Variants in ULK4 observed in about 807,000 individuals in gnomAD.
ULK4 encodes unc-51 like kinase 4.
A neutral mutation model predicts 160.6 loss-of-function variants in ULK4; 133 were observed. The observed-to-expected ratio is 0.83, with a 90% CI of 0.72 to 0.96. The LOEUF is 0.96. Among genes scored for constraint, ULK4 ranks in the 40% least tolerant of loss-of-function variants. The pLI, the probability that ULK4 is intolerant of heterozygous loss-of-function variation, is 0.00. For synonymous variants in ULK4, 534 were observed against 539.8 expected (o/e 0.99, Z 0.15); for missense variants, 1,580 against 1,499.5 (o/e 1.05, Z -0.89).
At chr3:41,616,412 C>G (rs2032966463) in intron 30 of ULK4, among the ~76,000 whole-genome samples, 1 of 152,158 alleles carries the variant, frequency 6.6e-6, no homozygotes, top group African/African-American at 2.4e-5. Flanking sequence ...ACACAGAAGG[C>G]AGGTATTTCT....
intron 17 of ULK4, among the ~76,000 whole-genome samples, chr3:41,856,207 T>C (rs2042332781): frequency 6.6e-6 from 1 of 152,038 alleles, no homozygotes; most frequent in South Asian, 2.1e-4. Context: ...TATTCAACTC[T>C]TGCTTTATCA....
intron 35 of ULK4, among the ~76,000 whole-genome samples, chr3:41,267,176 C>T (rs1336211245): frequency 1.3e-5 from 2 of 151,992 alleles, no homozygotes; most frequent in Non-Finnish European, 2.9e-5. Flanking sequence ...CCCGCATCCC[C>T]CAACAGGCCC....
At chr3:41,528,202 C>T (rs1017306710) in intron 32 of ULK4, among the ~76,000 whole-genome samples, 1 of 152,150 alleles carries the variant, frequency 6.6e-6, no homozygotes, top group African/African-American at 2.4e-5. Context: ...CTGGCCATCA[C>T]CTCTAGGTAG....
At chr3:41,782,808 A>G (rs990968776) in intron 21 of ULK4, among the ~76,000 whole-genome samples, 6 of 152,228 alleles carry the variant, frequency 3.9e-5, no homozygotes, top group South Asian at 2.1e-4. Context: ...GGATTTAGCC[A>G]TAAGAATGTT....
intron 22 of ULK4, among the ~76,000 whole-genome samples, chr3:41,734,639 G>T (rs1003177182): frequency 6.6e-6 from 1 of 152,156 alleles, no homozygotes; most frequent in Non-Finnish European, 1.5e-5. Flanking sequence ...AAGAGACTGA[G>T]GTGGGAAGAA....
chr3:41,651,124 C>T (rs189236787), intron 30 of ULK4, among the ~76,000 whole-genome samples: 1 of 152,268 alleles, frequency 6.6e-6, no homozygotes, highest in Admixed American at 6.5e-5. Flanking sequence ...AAGGAAGTTA[C>T]ACCTTCTGAT....
chr3:41,911,606 T>G lies in ULK4; in HGVS notation c.950A>C (p.Asn317Thr). The G allele has an allele frequency of 6.2e-7, 1 of 1,613,986 alleles. No homozygotes were observed. Among genetic ancestry groups the G allele is most frequent in the Non-Finnish European group, 8.5e-7 (1 of 1,180,014 alleles). The change falls in exon 10 of 37, where the codon AAC becomes ACC. Residue 317 changes from asparagine (N) to threonine (T), a missense_variant. Physicochemically the swap from Asn to Thr is moderately conservative, Grantham distance 65. Transcript: ENST00000301831. ...GPQDSKELLQ[N>T]SQSRQAKGHK... ...CCCTTTTGCTTGTCTACTCTGAGAG[T>G]TCTGCAAAAGCTCCTTGGAATCTTG...
At chr3:41,358,595 G>T (rs1321550478) in intron 35 of ULK4, among the ~76,000 whole-genome samples, 2 of 152,156 alleles carry the variant, frequency 1.3e-5, no homozygotes, top group African/African-American at 4.8e-5. Flanking sequence ...AAAGAGGGCA[G>T]AGCACATAAA....
At chr3:41,820,762 AC>A (rs1186503122) in intron 18 of ULK4, among the ~76,000 whole-genome samples, 1 of 152,186 alleles carries the variant, frequency 6.6e-6, no homozygotes, top group Non-Finnish European at 1.5e-5. Context: ...CTACACATGT[AC>A]ACCCTGAATC....
intron 32 of ULK4, among the ~76,000 whole-genome samples, chr3:41,513,624 T>A (rs1026028819): frequency 4.6e-5 from 7 of 151,934 alleles, no homozygotes; most frequent in Admixed American, 1.3e-4. Context: ...AGAGCAAGAG[T>A]CCATCAACAA....
At chr3:41,384,924 G>T (rs987262856) in intron 35 of ULK4, among the ~76,000 whole-genome samples, 19 of 152,182 alleles carry the variant, frequency 1.2e-4, no homozygotes, top group African/African-American at 4.1e-4. Context: ...GCATGCTGGT[G>T]CATGCCTGTA....
intron 27 of ULK4, among the ~76,000 whole-genome samples, chr3:41,689,116 C>T (rs1175965224): frequency 6.6e-6 from 1 of 152,176 alleles, no homozygotes; most frequent in Non-Finnish European, 1.5e-5. Context: ...AAATAGCCTC[C>T]AATCAGGGCA....
intron 30 of ULK4, among the ~76,000 whole-genome samples, chr3:41,631,044 T>G (rs1403394785): frequency 6.6e-6 from 1 of 152,178 alleles, no homozygotes; most frequent in Non-Finnish European, 1.5e-5. Flanking sequence ...TGAATCAGCT[T>G]CAAAAAGAAA....
chr3:41,926,070 A>G (rs1699375013), intron 5 of ULK4, among the ~76,000 whole-genome samples: 1 of 152,140 alleles, frequency 6.6e-6, no homozygotes, highest in Non-Finnish European at 1.5e-5. Context: ...ACTTCCCAGT[A>G]GGGGCCAGCA....
chr3:41,311,858 C>T (rs1448413295), intron 35 of ULK4, among the ~76,000 whole-genome samples: 3 of 143,644 alleles, frequency 2.1e-5, no homozygotes, highest in Admixed American at 1.4e-4. Flanking sequence ...TGAACCACTG[C>T]ACCCGGCCAA....
intron 19 of ULK4, among the ~76,000 whole-genome samples, chr3:41,815,169 A>T (rs57715826): frequency 1.3e-5 from 2 of 152,150 alleles, no homozygotes; most frequent in African/African-American, 4.8e-5. Context: ...GGCCTCCCAA[A>T]GTGCTGGGAT....
chr3:41,850,091 T>C (rs981527067), intron 17 of ULK4, among the ~76,000 whole-genome samples: 1 of 152,188 alleles, frequency 6.6e-6, no homozygotes, highest in African/African-American at 2.4e-5. Context: ...CATAATTTGC[T>C]GAGAATGATG....
intron 17 of ULK4, among the ~76,000 whole-genome samples, chr3:41,869,332 T>C (rs1697010148): frequency 6.6e-6 from 1 of 152,170 alleles, no homozygotes; most frequent in Non-Finnish European, 1.5e-5. Flanking sequence ...CCCGGCACTT[T>C]GGGAAGCTAA....
At chr3:41,424,245 G>T (rs1382119222) in intron 34 of ULK4, among the ~76,000 whole-genome samples, 1 of 152,136 alleles carries the variant, frequency 6.6e-6, no homozygotes, top group Non-Finnish European at 1.5e-5. Flanking sequence ...CTCCAGGCAG[G>T]GGTTTGGGGA....
Sources: allele counts gnomAD v4.1 joint callset (sites outside exome capture counted in the v4.1 genomes callset), GRCh38; gene constraint gnomAD v4.1.1; transcripts MANE v1.5; gene names NCBI Gene and HGNC (gene_info 2026-07-23, HGNC 2026-07-21).